The following SLC38A8 variants were observed in gnomAD, a reference collection of about 807,000 sequenced individuals.
SLC38A8 encodes the protein amino acid transporter SLC38A8.
SLC38A8 carries 65 observed loss-of-function variants against 46.0 expected under a neutral mutation model. That is an observed-to-expected ratio of 1.41 (90% CI 1.16 to 1.74). The LOEUF (loss-of-function observed/expected upper bound fraction) is 1.74. SLC38A8 is among the 40% of genes most tolerant of loss of function. The pLI, the probability that SLC38A8 is intolerant of heterozygous loss-of-function variation, is 0.00. For missense variants in SLC38A8, 998 were observed against 567.9 expected, an observed-to-expected ratio of 1.76 and a Z score of -7.70; for synonymous variants, 447 against 243.7, an observed-to-expected ratio of 1.83 and a Z score of -7.77.
intron 6 of SLC38A8, 98 bp from the exon 7 acceptor site, chr16:84,022,987 G>T: frequency 1.2e-6 from 1 of 804,770 alleles, no homozygotes. Flanking sequence ...TGTGGGATAT[G>T]ATGAGGTTTC....
chr16:84,020,864 T>C (rs2085086924), intron 7 of SLC38A8, among the ~76,000 whole-genome samples: 1 of 152,174 alleles, frequency 6.6e-6, no homozygotes, highest in African/African-American at 2.4e-5. Context: ...TGGTTTCCTA[T>C]ACGCGCTGCA....
chr16:84,009,954 C>G (rs952843371), intron 10 of SLC38A8, 77 bp from the exon 11 acceptor site: 3 of 1,264,790 alleles, frequency 2.4e-6, no homozygotes, highest in African/African-American at 3.0e-5. Context: ...AAAAAATTCA[C>G]TATGTAGAGC....
intron 9 of SLC38A8, among the ~76,000 whole-genome samples, chr16:84,014,315 G>T (rs140844065): frequency 0.025 from 3,682 of 146,508 alleles, 63 homozygotes; most frequent in Middle Eastern, 0.067. Context: ...ATAAGGAGCT[G>T]CGTGGCCACA....
At chr16:84,021,164 T>A (rs138950424) in intron 7 of SLC38A8, among the ~76,000 whole-genome samples, 1 of 152,156 alleles carries the variant, frequency 6.6e-6, no homozygotes, top group Non-Finnish European at 1.5e-5. Context: ...CCAGGTTCAA[T>A]TGATACTCCT....
Position 84,012,925 on chromosome 16 carries a change from C to A in SLC38A8, c.1214+76G>T, listed in dbSNP as rs2097878115. On this transcript the variant is annotated intron_variant, in intron 10 of 10. Transcript: ENST00000299709. Reference sequence around the variant, plus strand: ...GGATGCAGAGGATGAGAAATAGGATCTGCAGGGTCCCCTGAAACATTCTTA... The same window carrying A: ...GGATGCAGAGGATGAGAAATAGGATATGCAGGGTCCCCTGAAACATTCTTA... The A allele has an allele frequency of 6.7e-6, 10 of 1,499,230 alleles. No individual in the cohort carries two copies. In the South Asian group the frequency reaches 9.2e-5, roughly 14 times the overall value. The allele number at this position is 1,499,230 out of a possible 1,614,324, so 92.9% of individuals were successfully genotyped here.
chr16:84,036,857 T>A lies in SLC38A8; in HGVS notation c.233A>T (p.Tyr78Phe), dbSNP rs780371082. 4.3e-6 allele frequency: 7 copies of A among 1,613,482 alleles called. No individual in the cohort carries two copies. In the South Asian group the frequency reaches 6.6e-5, roughly 15 times the overall value. The change falls in exon 3 of 11, where the codon TAT (tyrosine) becomes TTT (phenylalanine). Residue 78 changes from tyrosine (Y) to phenylalanine (F), a missense_variant. Coordinates refer to ENST00000299709, the MANE Select transcript of SLC38A8 (RefSeq NM_001080442.3). Reference sequence around the variant, plus strand: ...GGCCTGGCCACTGACAGCAGCAGCATAGCCCAGGATGACCAGCCCGCTGAT... The same window carrying A: ...GGCCTGGCCACTGACAGCAGCAGCAAAGCCCAGGATGACCAGCCCGCTGAT... ...FLISGLVILG[Y>F]AAAVSGQATY...
intron 6 of SLC38A8, among the ~76,000 whole-genome samples, chr16:84,026,739 G>T (rs779673552): frequency 6.6e-6 from 1 of 152,222 alleles, no homozygotes; most frequent in Admixed American, 6.5e-5. Flanking sequence ...CAGATAGGGT[G>T]GCTACAACAT....
chr16:84,040,701 C>T (rs1391994589), intron 2 of SLC38A8, among the ~76,000 whole-genome samples: 1 of 152,230 alleles, frequency 6.6e-6, no homozygotes, highest in Non-Finnish European at 1.5e-5. Context: ...TTACCATTTC[C>T]AGTGGGGCTC....
At chr16:84,016,767 G>C in intron 8 of SLC38A8, 40 bp from the exon 9 acceptor site, 4 of 1,589,082 alleles carry the variant, frequency 2.5e-6, no homozygotes, top group Non-Finnish European at 3.4e-6. Context: ...GGCATCTCAG[G>C]GGCACCAGCC....
intron 7 of SLC38A8, among the ~76,000 whole-genome samples, chr16:84,018,249 T>G (rs1274915526): frequency 7.5e-6 from 1 of 134,042 alleles, no homozygotes; most frequent in Non-Finnish European, 1.5e-5. Flanking sequence ...TTTTTTTTTT[T>G]TGAGACAGAG....
intron 3 of SLC38A8, among the ~76,000 whole-genome samples, chr16:84,035,060 A>T (rs2085286240): frequency 6.6e-6 from 1 of 152,152 alleles, no homozygotes; most frequent in African/African-American, 2.4e-5. Flanking sequence ...AGATATACAC[A>T]AGAACGCTCT....
At chr16:84,033,758 C>A (rs1053371073) in intron 3 of SLC38A8, among the ~76,000 whole-genome samples, 1 of 152,174 alleles carries the variant, frequency 6.6e-6, no homozygotes, top group African/African-American at 2.4e-5. Context: ...TGCCCTCGTG[C>A]CCCTTACATT....
intron 7 of SLC38A8, 109 bp downstream of exon 7, chr16:84,022,666 T>G: frequency 1.3e-6 from 1 of 787,906 alleles, no homozygotes; most frequent in Non-Finnish European, 2.1e-6. Context: ...CTCAAAACAT[T>G]GAGTATTGAG....
intron 2 of SLC38A8, among the ~76,000 whole-genome samples, chr16:84,040,451 A>G (rs1231606275): frequency 6.6e-6 from 1 of 152,224 alleles, no homozygotes; most frequent in Non-Finnish European, 1.5e-5. Context: ...CAGGGCCAGC[A>G]TCTGCATTTC....
At chr16:84,031,787 C>A in intron 5 of SLC38A8, 80 bp downstream of exon 5, 1 of 1,212,124 alleles carries the variant, frequency 8.2e-7, no homozygotes, top group Non-Finnish European at 1.2e-6. Flanking sequence ...ACGAGAGGCT[C>A]CTCCTCCAAG....
At chr16:84,027,913 A>C (rs915572298) in intron 6 of SLC38A8, among the ~76,000 whole-genome samples, 3 of 152,216 alleles carry the variant, frequency 2.0e-5, no homozygotes, top group African/African-American at 7.2e-5. Flanking sequence ...TTGACAGCAA[A>C]ATCAGCTCTT....
Position 84,039,658 on chromosome 16 carries a change from G to C in SLC38A8, c.189+2311C>G, listed in dbSNP as rs565648935. On this transcript the variant is annotated intron_variant, in intron 2 of 10. Coordinates refer to ENST00000299709, the MANE Select transcript of SLC38A8 (RefSeq NM_001080442.3). ...CTACTTGGGAGGAGGCTGGGCAGGA[G>C]AATCGCTTGAACCAGGGAGGCGGAG... Among the ~76,000 whole-genome samples the C allele has an allele frequency of 4.0e-5, 6 of 150,748 alleles. No homozygotes were observed. The Admixed American group carries it at 4.0e-4, about 10-fold the overall frequency.
chr16:84,015,559 T>C (rs1277569585), intron 9 of SLC38A8, among the ~76,000 whole-genome samples: 3 of 98,448 alleles, frequency 3.0e-5, no homozygotes, highest in Non-Finnish European at 5.9e-5. Flanking sequence ...CCCTGCTGCA[T>C]ACTAGCTGTG....
chr16:84,017,979 G>A (rs938505653), intron 7 of SLC38A8, among the ~76,000 whole-genome samples: 1 of 152,152 alleles, frequency 6.6e-6, no homozygotes, highest in African/African-American at 2.4e-5. Context: ...TGCTGGGGAA[G>A]GAGTCACCCA....
Sources: gnomAD v4.1 joint callset for allele counts (sites outside exome capture counted in the v4.1 genomes callset) on GRCh38, gnomAD v4.1.1 for gene constraint, MANE v1.5 for transcripts, NCBI Gene and HGNC (gene_info 2026-07-23, HGNC 2026-07-21) for gene names.